Variants in KIAA1217 observed in about 807,000 individuals in gnomAD.
KIAA1217 encodes the protein sickle tail protein homolog.
KIAA1217 carries 88 observed loss-of-function variants against 163.9 expected under a neutral mutation model. That is an observed-to-expected ratio of 0.54 (90% CI 0.45 to 0.64). The LOEUF (loss-of-function observed/expected upper bound fraction) is 0.64, where lower values mean the gene tolerates loss of function less well. KIAA1217 is among the 30% of genes least tolerant of loss of function. The probability of loss-of-function intolerance (pLI) is 0.00; values close to 1 mark genes in which losing one functional copy is unlikely to be tolerated. For missense variants in KIAA1217, 2,372 were observed against 2,475.0 expected (o/e 0.96, Z 0.88); for synonymous variants, 903 against 923.1 (o/e 0.98, Z 0.39).
At chr10:24,450,349 A>T (rs1457728641) in intron 5 of KIAA1217, among the ~76,000 whole-genome samples, 2 of 152,338 alleles carry the variant, frequency 1.3e-5, no homozygotes, top group South Asian at 2.1e-4. Context: ...AAATCACATT[A>T]AAAACTTCTA....
intron 1 of KIAA1217, among the ~76,000 whole-genome samples, chr10:23,860,678 A>T (rs1052230838): frequency 6.6e-6 from 1 of 152,148 alleles, no homozygotes; most frequent in African/African-American, 2.4e-5. Context: ...AGAGATAATC[A>T]TAAAGATGAT....
At chr10:23,751,696 G>A (rs955220789) in intron 1 of KIAA1217, among the ~76,000 whole-genome samples, 7 of 152,178 alleles carry the variant, frequency 4.6e-5, no homozygotes, top group Middle Eastern at 3.4e-3. Flanking sequence ...CATTCATTTA[G>A]CAAATCTGGT....
chr10:24,376,064 CA>C (rs1295010328), intron 2 of KIAA1217, among the ~76,000 whole-genome samples: 1 of 152,190 alleles, frequency 6.6e-6, no homozygotes, highest in Non-Finnish European at 1.5e-5. Context: ...CAGAACAGTG[CA>C]CTTGGTGAAC....
chr10:24,131,685 G>C (rs751077734), intron 2 of KIAA1217, among the ~76,000 whole-genome samples: 3 of 152,118 alleles, frequency 2.0e-5, no homozygotes, highest in African/African-American at 7.2e-5. Flanking sequence ...ATTGTTCTAG[G>C]TTTCTTTGAA....
intron 2 of KIAA1217, among the ~76,000 whole-genome samples, chr10:24,038,996 G>C (rs1848512685): frequency 6.6e-6 from 1 of 152,048 alleles, no homozygotes; most frequent in African/African-American, 2.4e-5. Context: ...CACCCACCTT[G>C]GCCTTCCAAA....
chr10:24,437,396 C>G (rs1591932995), intron 4 of KIAA1217, among the ~76,000 whole-genome samples: 1 of 152,232 alleles, frequency 6.6e-6, no homozygotes, highest in South Asian at 2.1e-4. Context: ...GTCCAAGAAT[C>G]CTCCACTTCA....
rs74467150 is a variant in KIAA1217, at chr10:24,472,248, C to A, written c.847-980C>A. Among the ~76,000 whole-genome samples the A allele has an allele frequency of 6.1e-3, 923 of 152,250 alleles. 10 individuals are homozygous for A. The highest frequency in any genetic ancestry group is 0.021 in the African/African-American group (868 of 41,558). ...CAGGGGAGGGAGGATATCTGTGTATCAGTCAACCTGCACAGTTCAAAGCTG... is the reference window on the plus strand; with the variant it reads ...CAGGGGAGGGAGGATATCTGTGTATAAGTCAACCTGCACAGTTCAAAGCTG... On this transcript the variant is annotated intron_variant, in intron 5 of 20. Coordinates refer to ENST00000376454, the MANE Select transcript of KIAA1217 (RefSeq NM_019590.5).
intron 1 of KIAA1217, among the ~76,000 whole-genome samples, chr10:23,900,245 A>G (rs986570580): frequency 2.0e-5 from 3 of 151,816 alleles, no homozygotes; most frequent in Non-Finnish European, 4.4e-5. Flanking sequence ...ACCTAAGGTG[A>G]CCCGCCCACC....
intron 1 of KIAA1217, among the ~76,000 whole-genome samples, chr10:23,818,345 T>TAAAA (rs71472817): frequency 4.5e-5 from 6 of 134,802 alleles, no homozygotes; most frequent in South Asian, 4.5e-4. Context: ...TATATATATA[T>TAAAA]AAAAAAATAT....
intron 1 of KIAA1217, among the ~76,000 whole-genome samples, chr10:23,821,942 G>A (rs1213006635): frequency 6.6e-6 from 1 of 152,084 alleles, no homozygotes; most frequent in Non-Finnish European, 1.5e-5. Context: ...CCCACTGCAT[G>A]GAATGTGGCC....
chr10:24,457,770 T>C (rs2132494019), intron 5 of KIAA1217, among the ~76,000 whole-genome samples: 1 of 152,218 alleles, frequency 6.6e-6, no homozygotes, highest in East Asian at 1.9e-4. Context: ...TTACATCCTG[T>C]GTGGGAAGGA....
At chr10:24,437,442 T>C (rs553265822) in intron 4 of KIAA1217, among the ~76,000 whole-genome samples, 2 of 152,352 alleles carry the variant, frequency 1.3e-5, no homozygotes, top group East Asian at 1.9e-4. Context: ...ATCCCAGTGA[T>C]TGGGTCAGCC....
intron 2 of KIAA1217, among the ~76,000 whole-genome samples, chr10:24,339,277 G>T (rs914224348): frequency 1.3e-5 from 2 of 152,070 alleles, no homozygotes; most frequent in Non-Finnish European, 2.9e-5. Flanking sequence ...TTCAGTCATT[G>T]AGTATATACA....
chr10:24,519,746 CCT>C (rs143380718), intron 10 of KIAA1217, among the ~76,000 whole-genome samples: 6 of 151,702 alleles, frequency 4.0e-5, no homozygotes, highest in African/African-American at 1.2e-4. Context: ...GGTCGGTCTC[CCT>C]CTCTCTCTCT....
intron 1 of KIAA1217, among the ~76,000 whole-genome samples, chr10:23,790,538 C>CATATATACATATGTATATATGTAT: frequency 1.2e-5 from 1 of 82,064 alleles, no homozygotes; most frequent in South Asian, 3.2e-4. Context: ...TATACATATA[C>CATATATACATATGTATATATGTAT]ATGTGCATAT....
intron 2 of KIAA1217, among the ~76,000 whole-genome samples, chr10:24,264,737 A>T (rs899211814): frequency 1.3e-5 from 2 of 150,076 alleles, no homozygotes; most frequent in African/African-American, 2.5e-5. Context: ...ACCTGAACTT[A>T]CTTGCTCTTG....
At chr10:23,906,803 T>C (rs1295645012) in intron 1 of KIAA1217, among the ~76,000 whole-genome samples, 1 of 152,146 alleles carries the variant, frequency 6.6e-6, no homozygotes, top group Non-Finnish European at 1.5e-5. Flanking sequence ...CGGGCTGATG[T>C]AAAATCCCTC....
intron 2 of KIAA1217, among the ~76,000 whole-genome samples, chr10:24,367,756 ACTGTT>A (rs1284469550): frequency 3.3e-5 from 5 of 152,220 alleles, no homozygotes; most frequent in Non-Finnish European, 7.3e-5. Flanking sequence ...TACACCAGGC[ACTGTT>A]CTAAGTGCCT....
chr10:24,189,481 A>C (rs1416372882), intron 2 of KIAA1217, among the ~76,000 whole-genome samples: 1 of 152,114 alleles, frequency 6.6e-6, no homozygotes, highest in African/African-American at 2.4e-5. Flanking sequence ...CCCCCCAAAC[A>C]CACATGTGCA....
Sources: gnomAD v4.1 joint callset for allele counts (sites outside exome capture counted in the v4.1 genomes callset) on GRCh38, gnomAD v4.1.1 for gene constraint, MANE v1.5 for transcripts, NCBI Gene and HGNC (gene_info 2026-07-23, HGNC 2026-07-21) for gene names.